Variants in MKNK1 observed in about 807,000 individuals in gnomAD.
The protein encoded by MKNK1 is MAPK interacting serine/threonine kinase 1, also known as MAP kinase-interacting serine/threonine-protein kinase 1.
In MKNK1, 30 loss-of-function variants were observed where a neutral mutation model predicts 49.3. The ratio of observed to expected loss-of-function variants is 0.61; its 90% CI spans 0.46 to 0.83. The LOEUF is 0.83. Among genes scored for constraint, MKNK1 ranks in the 40% least tolerant of loss-of-function variants. The pLI, the probability that MKNK1 is intolerant of heterozygous loss-of-function variation, is 0.00. For missense variants in MKNK1, 423 were observed against 524.7 expected (o/e 0.81, Z 1.89); for synonymous variants, 176 against 201.7 (o/e 0.87, Z 1.08).
chr1:46,579,008 C>T (rs1006539982), intron 4 of MKNK1, among the ~76,000 whole-genome samples: 2 of 152,224 alleles, frequency 1.3e-5, no homozygotes, highest in African/African-American at 4.8e-5. Context: ...CCCGCCTCAG[C>T]CTCCCAAAGT....
rs3766241 is a variant in MKNK1 at position 46,564,689 on chromosome 1, G to A, written c.609+352C>T. On this transcript the variant is annotated intron_variant, in intron 9 of 12. Transcript: ENST00000371945. ...GGGGTTTCTCCATGTTGGTCAGGCT[G>A]GTCTCAAACTCCTGACCTCAGGTGA... Among the ~76,000 whole-genome samples, 3,361 of 151,996 alleles carry A rather than the reference G, an allele frequency of 0.022. 248 individuals are homozygous for A. The East Asian group carries it at 0.27, about 12-fold the overall frequency.
chr1:46,591,229 A>G (rs1469592386), intron 2 of MKNK1, among the ~76,000 whole-genome samples: 1 of 152,206 alleles, frequency 6.6e-6, no homozygotes, highest in Non-Finnish European at 1.5e-5. Flanking sequence ...CGATACTGCA[A>G]GGGGCTAAGG....
chr1:46,568,508 C>T lies in MKNK1; in HGVS notation c.458-10G>A. Reference sequence around the variant, plus strand: ...TCACGATGAGCAATGCCTGACATGACAAAGAGCAAAAAAATGGTTAACATA... The same window carrying T: ...TCACGATGAGCAATGCCTGACATGATAAAGAGCAAAAAAATGGTTAACATA... On this transcript the variant is annotated splice_polypyrimidine_tract_variant and intron_variant, in intron 7 of 12. Transcript: ENST00000371945. 5.6e-6 allele frequency: 9 copies of T among 1,610,304 alleles called. No homozygotes were observed. The highest frequency in any genetic ancestry group is 2.7e-5 in the African/African-American group (2 of 74,514).
intron 10 of MKNK1, 43 bp downstream of exon 10, chr1:46,562,606 C>T (rs1356645402): frequency 5.0e-5 from 77 of 1,535,404 alleles, no homozygotes; most frequent in Non-Finnish European, 6.4e-5. Context: ...ACCACACTGA[C>T]CCCTAGCAGG....
rs772974722 is a variant in MKNK1, at chr1:46,585,849, T to TCA, written c.-2-2522_-2-2521dup. 5.4e-5 allele frequency: 65 copies of TCA among 1,206,240 alleles called. No individual in the cohort carries two copies. The African/African-American group carries it at 9.0e-4, about 17-fold the overall frequency. The allele number at this position is 1,206,240 out of a possible 1,614,324, so 74.7% of individuals were successfully genotyped here. On this transcript the variant is annotated intron_variant, in intron 2 of 12. Transcript: ENST00000371945. ...ACACGTAACATTAGATTTTATGGCT[T>TCA]CACACACACACAAAGACAGAGTACC...
chr1:46,591,818 C>T (rs549079769), intron 2 of MKNK1, among the ~76,000 whole-genome samples: 1 of 152,182 alleles, frequency 6.6e-6, no homozygotes, highest in African/African-American at 2.4e-5. Flanking sequence ...TTTGGTTTGC[C>T]GCAGAAGTAC....
rs556276253 is a variant in MKNK1 at position 46,589,143 on chromosome 1, T to G, written c.-3+4970A>C. On this transcript the variant is annotated intron_variant, in intron 2 of 12. Transcript: ENST00000371945. The surrounding 1 kb of genome is among the most constrained non-coding windows in gnomAD (Gnocchi z 4.3). Reference sequence around the variant, plus strand: ...GAGTATAAGAGAAGACACAGTCTCTTCCCTGATGGCGTTTAAATCTGCTGC... The same window carrying G: ...GAGTATAAGAGAAGACACAGTCTCTGCCCTGATGGCGTTTAAATCTGCTGC... Among the ~76,000 whole-genome samples, 1 of 152,376 alleles carries G rather than the reference T, an allele frequency of 6.6e-6. No homozygotes were observed. Among genetic ancestry groups the G allele is most frequent in the East Asian group, 1.9e-4 (1 of 5,190 alleles).
intron 3 of MKNK1, chr1:46,582,721 C>T (rs1257083753): frequency 8.1e-6 from 3 of 368,846 alleles, no homozygotes; most frequent in African/African-American, 2.1e-5. Context: ...GACCCAACAT[C>T]GTTTCTACTG....
intron 6 of MKNK1, among the ~76,000 whole-genome samples, chr1:46,573,386 G>A (rs1020817968): frequency 3.3e-5 from 5 of 152,224 alleles, no homozygotes; most frequent in African/African-American, 9.6e-5. Context: ...TTAACAGTCA[G>A]TCATGTGTTA....
intron 1 of MKNK1, among the ~76,000 whole-genome samples, chr1:46,601,666 T>G (rs1674746209): frequency 6.6e-6 from 1 of 152,242 alleles, no homozygotes; most frequent in South Asian, 2.1e-4. Context: ...CAGTCTAAAC[T>G]GGGGCCCTCC....
intron 8 of MKNK1, among the ~76,000 whole-genome samples, chr1:46,567,581 A>G (rs1669283731): frequency 6.6e-6 from 1 of 152,226 alleles, no homozygotes; most frequent in Admixed American, 6.5e-5. Flanking sequence ...GAGCGAATCC[A>G]TTATTATTCC....
rs1283111249 is a variant in MKNK1 at position 46,595,584 on chromosome 1, C to T, written c.-170-1304G>A. The stretch of plus-strand genomic sequence containing the variant: ...GAATCTGAATGAATTACTTAATACA[C>T]GAAATATCTCTTTAACATCCAATAA... On this transcript the variant is annotated intron_variant, in intron 1 of 12. Coordinates refer to ENST00000371945, the MANE Select transcript of MKNK1 (RefSeq NM_001135553.4). Among the ~76,000 whole-genome samples, 9 of 152,198 alleles carry T rather than the reference C, an allele frequency of 5.9e-5. No homozygotes were observed. In the South Asian group the frequency reaches 1.7e-3, roughly 28 times the overall value.
chr1:46,573,384 C>T (rs1670486442), intron 6 of MKNK1, among the ~76,000 whole-genome samples: 1 of 152,186 alleles, frequency 6.6e-6, no homozygotes, highest in Non-Finnish European at 1.5e-5. Flanking sequence ...AATTAACAGT[C>T]AGTCATGTGT....
rs549106058 is a variant in MKNK1, at chr1:46,558,447, T to C, written c.*128A>G. The C allele has an allele frequency of 2.0e-5, 19 of 962,396 alleles. No homozygotes were observed. In the African/African-American group the frequency reaches 2.2e-4, roughly 11 times the overall value. The allele number at this position is 962,396 out of a possible 1,614,324, so 59.6% of individuals were successfully genotyped here. A position where few individuals can be genotyped will look rare whatever the true frequency, so the allele number is the denominator to read the frequency against. Reference sequence around the variant, plus strand: ...GTTGATGGGAACCTCAGGGCCTTCGTAGATGAAAAAGCCTGAATGGAGCCA... The same window carrying C: ...GTTGATGGGAACCTCAGGGCCTTCGCAGATGAAAAAGCCTGAATGGAGCCA... On this transcript the variant is annotated 3_prime_UTR_variant, in exon 13 of 13. Coordinates refer to ENST00000371945, the MANE Select transcript of MKNK1 (RefSeq NM_001135553.4).
intron 4 of MKNK1, among the ~76,000 whole-genome samples, chr1:46,578,579 T>C (rs887912246): frequency 1.4e-4 from 21 of 148,956 alleles, no homozygotes; most frequent in African/African-American, 5.1e-4. Flanking sequence ...TTTAGACAGA[T>C]ATATCAATTT....
At chr1:46,582,365 T>C (rs1671872224) in intron 3 of MKNK1, among the ~76,000 whole-genome samples, 2 of 152,230 alleles carry the variant, frequency 1.3e-5, no homozygotes, top group Non-Finnish European at 2.9e-5. Flanking sequence ...CTTCTCACAA[T>C]GGACACATTG....
chr1:46,570,600 T>C (rs1407038874), intron 7 of MKNK1, among the ~76,000 whole-genome samples: 1 of 152,190 alleles, frequency 6.6e-6, no homozygotes, highest in Admixed American at 6.5e-5. Flanking sequence ...GTGGCATGCC[T>C]ACCACTGGTC....
chr1:46,565,200 C>T, intron 8 of MKNK1, 64 bp from the exon 9 acceptor site: 2 of 1,471,670 alleles, frequency 1.4e-6, no homozygotes, highest in Admixed American at 3.3e-5. Context: ...AGGAGCCAGG[C>T]ATGGCTGTAC....
chr1:46,592,523 G>A (rs9659890), intron 2 of MKNK1, among the ~76,000 whole-genome samples: 38,727 of 152,174 alleles, frequency 0.25, 4,982 homozygotes, highest in Admixed American at 0.33. Context: ...TGGGGGCCAC[G>A]GAACTGACTG....
Sources: gnomAD v4.1 joint callset for allele counts (sites outside exome capture counted in the v4.1 genomes callset) on GRCh38, gnomAD v4.1.1 for gene constraint, Gnocchi (gnomAD v3.1) non-coding constraint, MANE v1.5 for transcripts, NCBI Gene and HGNC (gene_info 2026-07-23, HGNC 2026-07-21) for gene names.